The following TPO variants were observed in gnomAD, a reference collection of about 807,000 sequenced individuals.
TPO encodes the protein thyroid microsomal antigen.
In TPO, 78 loss-of-function variants were observed where a neutral mutation model predicts 96.9. That is an observed-to-expected ratio of 0.81 (90% CI 0.67 to 0.97). TPO has a LOEUF of 0.97. Ranked by LOEUF, TPO falls within the 50% of genes least tolerant of loss-of-function variation. The pLI is 0.00. For missense variants in TPO, 1,252 were observed against 1,274.8 expected, an observed-to-expected ratio of 0.98 and a Z score of 0.27; for synonymous variants, 547 against 538.0, an observed-to-expected ratio of 1.02 and a Z score of -0.23.
At chr2:1,524,212 T>TCCCC (rs1225160140) in intron 15 of TPO, among the ~76,000 whole-genome samples, 11 of 122,956 alleles carry the variant, frequency 8.9e-5, no homozygotes, top group African/African-American at 3.6e-4. Flanking sequence ...CCTCCTCAAA[T>TCCCC]CCACCCCACT....
At chr2:1,512,876 C>A (rs986823552) in intron 14 of TPO, among the ~76,000 whole-genome samples, 1 of 152,202 alleles carries the variant, frequency 6.6e-6, no homozygotes, top group Non-Finnish European at 1.5e-5. Context: ...ACCACCAGCA[C>A]CCTTATGATT....
intron 11 of TPO, 75 bp downstream of exon 11, chr2:1,494,114 C>G: frequency 7.1e-7 from 1 of 1,414,656 alleles, no homozygotes; most frequent in Non-Finnish European, 1.0e-6. Context: ...CTGAAGCCAG[C>G]CAGACCTGCA....
At chr2:1,409,091 C>A (rs971237268), upstream of TPO, among the ~76,000 whole-genome samples, 2 of 151,770 alleles carry the variant, frequency 1.3e-5, no homozygotes, top group Non-Finnish European at 2.9e-5. Flanking sequence ...GGACAGACTG[C>A]GGTCCCCAGA....
At chr2:1,495,806 C>A (rs1005278062) in intron 11 of TPO, among the ~76,000 whole-genome samples, 183 bp from the exon 12 acceptor site, 2 of 152,070 alleles carry the variant, frequency 1.3e-5, no homozygotes, top group African/African-American at 4.8e-5. Context: ...GGGGTCTGGG[C>A]AGACGCCACA....
At chr2:1,509,805 CTT>C (rs1447241979) in intron 14 of TPO, among the ~76,000 whole-genome samples, 1 of 136,026 alleles carries the variant, frequency 7.4e-6, no homozygotes, top group Non-Finnish European at 1.6e-5. Flanking sequence ...CACCGCACCT[CTT>C]ATTTCAGGAA....
intron 3 of TPO, among the ~76,000 whole-genome samples, chr2:1,426,332 CA>C (rs1212788071): frequency 6.7e-6 from 1 of 149,188 alleles, no homozygotes; most frequent in Non-Finnish European, 1.5e-5. Context: ...TGAGTTCGAT[CA>C]TTTCATATTC....
At chr2:1,517,236 A>G (rs376790080) in intron 15 of TPO, among the ~76,000 whole-genome samples, 1 of 152,246 alleles carries the variant, frequency 6.6e-6, no homozygotes, top group South Asian at 2.1e-4. Flanking sequence ...ACATTCAGCA[A>G]TATGGAACAC....
At chr2:1,400,719 C>G (rs577365868) in intron 1 of TPO, among the ~76,000 whole-genome samples, 19 of 151,002 alleles carry the variant, frequency 1.3e-4, no homozygotes, top group African/African-American at 4.6e-4. Flanking sequence ...GGAACTGATG[C>G]AGGCTTTTAT....
intron 1 of TPO, among the ~76,000 whole-genome samples, chr2:1,381,261 C>G (rs1661807995): frequency 6.6e-6 from 1 of 152,068 alleles, no homozygotes; most frequent in Non-Finnish European, 1.5e-5. Context: ...GCAATCTAGC[C>G]ATCTGACAAA....
intron 1 of TPO, among the ~76,000 whole-genome samples, chr2:1,408,172 C>T (rs138259172): frequency 7.6e-4 from 115 of 152,298 alleles, no homozygotes; most frequent in Middle Eastern, 3.4e-3. Flanking sequence ...CTCTTGTCCC[C>T]GTGTGCAGAG....
chr2:1,469,680 C>G (rs1435310014), intron 7 of TPO, among the ~76,000 whole-genome samples: 1 of 152,168 alleles, frequency 6.6e-6, no homozygotes, highest in Non-Finnish European at 1.5e-5. Context: ...ACTCGGCTCT[C>G]TAAATGGACT....
At chr2:1,453,898 C>T (rs1303640212) in intron 6 of TPO, 75 bp downstream of exon 6, 1 of 1,604,898 alleles carries the variant, frequency 6.2e-7, no homozygotes, top group Non-Finnish European at 8.5e-7. Flanking sequence ...TAGCCTTTTA[C>T]TGGGTTCTTG....
chr2:1,385,377 C>G (rs573256168), intron 1 of TPO, among the ~76,000 whole-genome samples: 1 of 152,286 alleles, frequency 6.6e-6, no homozygotes, highest in East Asian at 1.9e-4. Context: ...ATTATTGCCT[C>G]AATTTCAGAG....
At chr2:1,504,235 C>T (rs116363953) in intron 14 of TPO, among the ~76,000 whole-genome samples, 156 bp downstream of exon 14, 3 of 152,332 alleles carry the variant, frequency 2.0e-5, no homozygotes, top group African/African-American at 4.8e-5. Context: ...GGGGCGTCTG[C>T]GCTGTGCTGG....
chr2:1,525,920 C>T (rs74545724), intron 15 of TPO, among the ~76,000 whole-genome samples: 980 of 64,390 alleles, frequency 0.015, no homozygotes, highest in South Asian at 0.028. Flanking sequence ...CAAATCCCCC[C>T]ACTGTGCGCA....
chr2:1,524,709 C>G (rs72629186), intron 15 of TPO, among the ~76,000 whole-genome samples: 1 of 123,342 alleles, frequency 8.1e-6, no homozygotes, highest in Non-Finnish European at 1.7e-5. Context: ...GTGCAAACTC[C>G]CCACATTCCC....
chr2:1,475,744 GC>G, intron 7 of TPO, among the ~76,000 whole-genome samples: 1 of 152,278 alleles, frequency 6.6e-6, no homozygotes, highest in South Asian at 2.1e-4. Context: ...GAGCCCCCGC[GC>G]CCGGCCGGAA....
upstream of TPO, among the ~76,000 whole-genome samples, chr2:1,413,257 C>T (rs187471805): frequency 2.6e-5 from 4 of 152,262 alleles, no homozygotes; most frequent in South Asian, 2.1e-4. Context: ...CTAACTCATT[C>T]GGCCAGAGGC....
intron 1 of TPO, among the ~76,000 whole-genome samples, chr2:1,405,763 T>G (rs1662241767): frequency 3.9e-5 from 6 of 152,234 alleles, no homozygotes; most frequent in African/African-American, 1.4e-4. Context: ...GAACATCTTA[T>G]TCATGTTCAC....
Sources: allele counts gnomAD v4.1 joint callset (sites outside exome capture counted in the v4.1 genomes callset), GRCh38; gene constraint gnomAD v4.1.1; transcripts MANE v1.5; gene names NCBI Gene and HGNC (gene_info 2026-07-23, HGNC 2026-07-21).